The following SLC15A1 variants were observed in gnomAD, a reference collection of about 807,000 sequenced individuals.
The protein encoded by SLC15A1 is solute carrier family 15 member 1, also known as Caco-2 oligopeptide transporter.
A neutral mutation model predicts 92.9 loss-of-function variants in SLC15A1; 83 were observed. The ratio of observed to expected loss-of-function variants is 0.89; its 90% CI spans 0.75 to 1.07. The LOEUF is 1.07. Among genes scored for constraint, SLC15A1 ranks in the 50% least tolerant of loss-of-function variants. SLC15A1 has a pLI of 0.00. For synonymous variants in SLC15A1, 322 were observed against 318.2 expected, an observed-to-expected ratio of 1.01 and a Z score of -0.13; for missense variants, 857 against 880.1, an observed-to-expected ratio of 0.97 and a Z score of 0.33.
chr13:98,711,748 G>A, intron 11 of SLC15A1, 106 bp downstream of exon 11: 1 of 723,896 alleles, frequency 1.4e-6, no homozygotes, highest in South Asian at 1.9e-5. Context: ...ATAAGAAACT[G>A]GAGGAGAACT....
In SLC15A1 at chr13:98,706,326, G is replaced by A. The variant is rs2088112644; in HGVS notation, c.1150-73C>T. ...GGAAAGTCATCTTAACCCTGACAAG[G>A]GGGTGCTTTCCTCCAGCTGGGAAAA... is the stretch of plus-strand genomic sequence containing the variant. On this transcript the variant is annotated intron_variant, in intron 15 of 22. Transcript: ENST00000376503. The A allele has an allele frequency of 7.1e-6, 11 of 1,553,596 alleles. No individual in the cohort carries two copies. The South Asian group carries it at 1.1e-4, about 15-fold the overall frequency.
intron 4 of SLC15A1, among the ~76,000 whole-genome samples, chr13:98,724,691 T>C (rs569777606): frequency 6.6e-6 from 1 of 152,126 alleles, no homozygotes; most frequent in Admixed American, 6.6e-5. Flanking sequence ...GCCAGGATGG[T>C]CTCGATCTCC....
intron 18 of SLC15A1, among the ~76,000 whole-genome samples, chr13:98,691,570 C>T (rs934291273): frequency 7.9e-5 from 12 of 152,070 alleles, no homozygotes; most frequent in Non-Finnish European, 1.3e-4. Flanking sequence ...CAATACATGG[C>T]GTATAGCCTG....
intron 1 of SLC15A1, among the ~76,000 whole-genome samples, chr13:98,745,775 T>G (rs1220667159): frequency 6.6e-6 from 1 of 152,180 alleles, no homozygotes; most frequent in Non-Finnish European, 1.5e-5. Context: ...TTCCCCAGTT[T>G]GTGGTGCTTT....
In SLC15A1 at chr13:98,684,816, C is replaced by T. The variant is rs1933867959; in HGVS notation, c.2035G>A (p.Glu679Lys). The T allele has an allele frequency of 6.2e-7, 1 of 1,614,096 alleles. No individual in the cohort carries two copies. The highest frequency in any genetic ancestry group is 2.2e-5 in the East Asian group (1 of 44,876). The change falls in exon 23 of 23, where the codon GAA becomes AAA. Residue 679 changes from glutamate (E) to lysine (K), a missense_variant. Physicochemically the swap from Glu to Lys is moderately conservative, Grantham distance 56. Transcript: ENST00000376503. ...TTTTCATCCTCATCAAATTGAGCTT[C>T]GATCTCCGCTGGGTTGATGTAAGTA... ...FYTYINPAEI[E>K]AQFDEDEKKN...
intron 18 of SLC15A1, among the ~76,000 whole-genome samples, chr13:98,691,892 G>C (rs1268304182): frequency 3.3e-5 from 5 of 151,950 alleles, no homozygotes; most frequent in Non-Finnish European, 5.9e-5. Context: ...TGACCAACAT[G>C]GAGAAATCCC....
At chr13:98,704,721 C>G (rs1298794309) in intron 16 of SLC15A1, among the ~76,000 whole-genome samples, 1 of 152,162 alleles carries the variant, frequency 6.6e-6, no homozygotes, top group Non-Finnish European at 1.5e-5. Flanking sequence ...ATAATTTCTA[C>G]TGTTAGGCAA....
chr13:98,750,936 T>C (rs1566463051), intron 1 of SLC15A1, among the ~76,000 whole-genome samples: 1 of 151,944 alleles, frequency 6.6e-6, no homozygotes, highest in East Asian at 1.9e-4. Context: ...ATATTTTTAG[T>C]AGAGACGGGG....
intron 1 of SLC15A1, among the ~76,000 whole-genome samples, chr13:98,740,198 G>T (rs1004664725): frequency 3.3e-5 from 5 of 152,198 alleles, no homozygotes; most frequent in Non-Finnish European, 7.4e-5. Flanking sequence ...GAGAGTGAAG[G>T]TCCTGTCACT....
chr13:98,716,003 G>C lies in SLC15A1; in HGVS notation c.641-43C>G, dbSNP rs370164521. 42 of 1,543,320 alleles carry C rather than the reference G, an allele frequency of 2.7e-5. No individual in the cohort carries two copies. In the African/African-American group the frequency reaches 4.6e-4, roughly 17 times the overall value. On this transcript the variant is annotated intron_variant, in intron 8 of 22. Coordinates refer to ENST00000376503, the MANE Select transcript of SLC15A1 (RefSeq NM_005073.4). Reference sequence around the variant, plus strand: ...AGACATGTCAGCAAAGCATGTGACCGAGCGCCCTGTGGCCTAGAGAGATGC... The same window carrying C: ...AGACATGTCAGCAAAGCATGTGACCCAGCGCCCTGTGGCCTAGAGAGATGC...
chr13:98,703,560 T>C (rs1386187174), intron 17 of SLC15A1, among the ~76,000 whole-genome samples: 1 of 81,070 alleles, frequency 1.2e-5, no homozygotes, highest in African/African-American at 3.4e-5. Flanking sequence ...TTTTTTTTTT[T>C]TTTTTTTTTT....
chr13:98,688,015 A>G (rs2087944378), intron 20 of SLC15A1, among the ~76,000 whole-genome samples: 1 of 152,248 alleles, frequency 6.6e-6, no homozygotes, highest in African/African-American at 2.4e-5. Context: ...AGAAGGAGGC[A>G]TCAGATATTG....
intron 1 of SLC15A1, among the ~76,000 whole-genome samples, chr13:98,736,230 A>G (rs1376072506): frequency 2.0e-5 from 3 of 152,218 alleles, no homozygotes; most frequent in Non-Finnish European, 2.9e-5. Flanking sequence ...TGACAAAAAC[A>G]AGAAAGGGGA....
chr13:98,726,165 A>T lies in SLC15A1; in HGVS notation c.203T>A (p.Ile68Asn). Reference sequence around the variant, plus strand: ...CGAGTCGGCGATAAGAGCTCCGAGAATTGGCGTCAGGTAGCACAGAGCCAC... The same window carrying T: ...CGAGTCGGCGATAAGAGCTCCGAGATTTGGCGTCAGGTAGCACAGAGCCAC... ...TFVALCYLTP[I>N]LGALIADSWL... is the part of the protein sequence containing the mutation. Residue 68 changes from isoleucine (I) to asparagine (N), a missense_variant, in exon 4 of 23, where the codon ATT (isoleucine) becomes AAT (asparagine). Coordinates refer to ENST00000376503, the MANE Select transcript of SLC15A1 (RefSeq NM_005073.4). The T allele has an allele frequency of 1.2e-6, 2 of 1,614,186 alleles. No individual in the cohort carries two copies. The highest frequency in any genetic ancestry group is 1.7e-6 in the Non-Finnish European group (2 of 1,180,030).
rs1350441394 is a variant in SLC15A1, at chr13:98,709,612, C to G, written c.1027G>C (p.Val343Leu). The G allele has an allele frequency of 1.2e-6, 2 of 1,614,196 alleles. No individual in the cohort carries two copies. The highest frequency in any genetic ancestry group is 1.7e-6 in the Non-Finnish European group (2 of 1,180,050). The part of the protein sequence containing the change: ...IVIMVPIFDA[V>L]LYPLIAKCGF... ...CATTTTGCAATGAGAGGGTACAGCA[C>G]AGCATCGAAGATCGGGACCATGATC... Residue 343 changes from valine (V) to leucine (L), a missense_variant, in exon 14 of 23, where the codon GTG (valine) becomes CTG (leucine). Coordinates refer to ENST00000376503, the MANE Select transcript of SLC15A1 (RefSeq NM_005073.4).
chr13:98,707,477 G>A (rs1435859851), intron 15 of SLC15A1, among the ~76,000 whole-genome samples: 2 of 152,200 alleles, frequency 1.3e-5, no homozygotes, highest in African/African-American at 2.4e-5. Flanking sequence ...TAGAATGGGG[G>A]TTGATGGGGC....
At chr13:98,699,379 C>T (rs2074230040) in intron 18 of SLC15A1, among the ~76,000 whole-genome samples, 1 of 152,220 alleles carries the variant, frequency 6.6e-6, no homozygotes, top group Non-Finnish European at 1.5e-5. Flanking sequence ...TCCCCACACC[C>T]TCAATGTTTA....
At chr13:98,687,432 A>C in intron 21 of SLC15A1, 149 bp downstream of exon 21, 1 of 877,954 alleles carries the variant, frequency 1.1e-6, no homozygotes, top group African/African-American at 1.7e-5. Context: ...ACACTTGGTG[A>C]CCTCAGAGAC....
At chr13:98,750,114 A>G (rs192865298) in intron 1 of SLC15A1, among the ~76,000 whole-genome samples, 18 of 151,562 alleles carry the variant, frequency 1.2e-4, no homozygotes, top group Admixed American at 1.2e-3. Context: ...ACCCAAAGCA[A>G]CATTTTTTTT....
Sources: gnomAD v4.1 joint callset for allele counts (sites outside exome capture counted in the v4.1 genomes callset) on GRCh38, gnomAD v4.1.1 for gene constraint, MANE v1.5 for transcripts, NCBI Gene and HGNC (gene_info 2026-07-23, HGNC 2026-07-21) for gene names.